The following EXOC6B variants were observed in gnomAD, a reference collection of about 807,000 sequenced individuals.
EXOC6B encodes exocyst complex component 6B, also known as SEC15 homolog B.
Under a neutral mutation model 113.5 loss-of-function variants are expected in EXOC6B, and 54 were observed. That is an observed-to-expected ratio of 0.48 (90% confidence interval 0.38 to 0.60). The LOEUF (loss-of-function observed/expected upper bound fraction) is 0.60, where lower values mean the gene tolerates loss of function less well. EXOC6B is among the 20% of genes least tolerant of loss of function. EXOC6B has a pLI of 0.00. For synonymous variants in EXOC6B, 357 were observed against 339.0 expected (o/e 1.05, Z -0.58); for missense variants, 797 against 977.5 (o/e 0.82, Z 2.46).
In EXOC6B at chr2:72,631,457, TATATAGAGAGAGAGAGAGAGAGAG is replaced by T. The variant is rs1672448210; in HGVS notation, c.670-55813_670-55790del. Among the ~76,000 whole-genome samples the T allele has an allele frequency of 4.6e-3, 49 of 10,626 alleles. 2 individuals carry two copies. The highest frequency in any genetic ancestry group is 0.011 in the African/African-American group (47 of 4,228). 7.0% of individuals were successfully genotyped at this position (10,626 alleles called of 152,430 possible). A position where few individuals can be genotyped will look rare whatever the true frequency, so the allele number is the denominator to read the frequency against. ...ATATATATATATATATATATATATA[TATATAGAGAGAGAGAGAGAGAGAG>T]AGAGAGAGAGAGAGAGAGAGAGAGA... is the stretch of plus-strand genomic sequence containing the variant. On this transcript the variant is annotated intron_variant, in intron 6 of 21. Coordinates refer to ENST00000272427, the MANE Select transcript of EXOC6B (RefSeq NM_015189.3).
intron 18 of EXOC6B, among the ~76,000 whole-genome samples, chr2:72,404,957 T>G (rs190224463): frequency 6.6e-6 from 1 of 151,910 alleles, no homozygotes; most frequent in African/African-American, 2.4e-5. Context: ...TTAAAAACCT[T>G]GAAAAAAAAT....
intron 6 of EXOC6B, among the ~76,000 whole-genome samples, chr2:72,623,332 G>A (rs1284888682): frequency 1.3e-5 from 2 of 151,992 alleles, no homozygotes; most frequent in Non-Finnish European, 2.9e-5. Context: ...AGATACATTG[G>A]CAAAATCAGA....
intron 20 of EXOC6B, among the ~76,000 whole-genome samples, chr2:72,291,873 TA>T (rs1340474694): frequency 6.6e-6 from 1 of 152,190 alleles, no homozygotes; most frequent in Non-Finnish European, 1.5e-5. Flanking sequence ...AAGAAAAAGT[TA>T]AAACGCTTAA....
chr2:72,178,646 T>A lies in EXOC6B; in HGVS notation c.*689A>T, dbSNP rs1348338397. 1 of 152,180 alleles carries A rather than the reference T, an allele frequency of 6.6e-6. No homozygotes were observed. The highest frequency in any genetic ancestry group is 2.4e-5 in the African/African-American group (1 of 41,436). The allele number at this position is 152,180 out of a possible 1,614,324, so 9.4% of individuals were successfully genotyped here. A position where few individuals can be genotyped will look rare whatever the true frequency, so the allele number is the denominator to read the frequency against. ...AGCTGGGGCAATATGCAGTTAAACA[T>A]GGGATCCAATTATTACTGCTGTCTA... On this transcript the variant is annotated 3_prime_UTR_variant, in exon 22 of 22. Transcript: ENST00000272427.
Position 72,718,181 on chromosome 2 carries a change from A to C in EXOC6B, c.591T>G (p.Val197=), listed in dbSNP as rs1679756550. 2 of 1,613,826 alleles carry C rather than the reference A, an allele frequency of 1.2e-6. No individual in the cohort carries two copies. Among genetic ancestry groups the C allele is most frequent in the Non-Finnish European group, 1.7e-6 (2 of 1,179,798 alleles). Reference sequence around the variant, plus strand: ...GAAAGTCTTTGAGATCGGACATAGAAACATCTTTTATTTCTTCTCGAAGCT... The same window carrying C: ...GAAAGTCTTTGAGATCGGACATAGACACATCTTTTATTTCTTCTCGAAGCT... ...IPKLREEIKD[V]SMSDLKDFLE... The change falls in exon 6 of 22, where the codon GTT becomes GTG. Residue 197 remains valine, a synonymous_variant. Coordinates refer to ENST00000272427, the MANE Select transcript of EXOC6B (RefSeq NM_015189.3).
intron 20 of EXOC6B, among the ~76,000 whole-genome samples, chr2:72,283,552 C>A (rs906893044): frequency 6.6e-6 from 1 of 151,960 alleles, no homozygotes; most frequent in Non-Finnish European, 1.5e-5. Flanking sequence ...CCAGGAGAAC[C>A]CAGCCATGGA....
At chr2:72,451,603 T>C (rs945589197) in intron 18 of EXOC6B, among the ~76,000 whole-genome samples, 2 of 152,004 alleles carry the variant, frequency 1.3e-5, no homozygotes, top group Non-Finnish European at 2.9e-5. Context: ...TGTAACATAA[T>C]GCATTCAGGG....
intron 8 of EXOC6B, among the ~76,000 whole-genome samples, chr2:72,525,210 G>A (rs936209229): frequency 1.3e-5 from 2 of 152,178 alleles, no homozygotes; most frequent in Non-Finnish European, 2.9e-5. Context: ...TAACAATCTT[G>A]GCCTTTGTAA....
In EXOC6B at chr2:72,498,441, G is replaced by C. The variant is rs773724337; in HGVS notation, c.1337+13C>G. ...ATGAACACACACACATATGACTATA[G>C]ATAATTTCTCACCTGAAAATACCTG... On this transcript the variant is annotated intron_variant, in intron 13 of 21. Coordinates refer to ENST00000272427, the MANE Select transcript of EXOC6B (RefSeq NM_015189.3). 1.1e-5 allele frequency: 17 copies of C among 1,578,464 alleles called. No individual in the cohort carries two copies. In the East Asian group the frequency reaches 3.1e-4, roughly 29 times the overall value.
intron 6 of EXOC6B, among the ~76,000 whole-genome samples, chr2:72,717,568 T>A (rs1679701228): frequency 6.6e-6 from 1 of 152,224 alleles, no homozygotes; most frequent in South Asian, 2.1e-4. Flanking sequence ...GAAGATTTTT[T>A]TAACAAATGT....
intron 18 of EXOC6B, among the ~76,000 whole-genome samples, chr2:72,404,496 C>A (rs1217912363): frequency 4.6e-5 from 7 of 152,174 alleles, no homozygotes; most frequent in African/African-American, 1.7e-4. Context: ...GCCTGGTACT[C>A]CTCTGAGACA....
At chr2:72,198,477 C>T (rs747196123) in intron 20 of EXOC6B, among the ~76,000 whole-genome samples, 3 of 152,110 alleles carry the variant, frequency 2.0e-5, no homozygotes, top group Admixed American at 6.6e-5. Context: ...ACTTAGATAA[C>T]GTTATTGGAT....
intron 20 of EXOC6B, among the ~76,000 whole-genome samples, chr2:72,203,082 A>G (rs1019300093): frequency 1.3e-5 from 2 of 152,246 alleles, no homozygotes; most frequent in African/African-American, 4.8e-5. Context: ...AGTGCCTGGC[A>G]CAAACGTTCA....
chr2:72,546,891 C>G (rs559724023), intron 8 of EXOC6B, among the ~76,000 whole-genome samples: 1 of 152,170 alleles, frequency 6.6e-6, no homozygotes, highest in Non-Finnish European at 1.5e-5. Flanking sequence ...AGGAGATACT[C>G]AAATGGAATT....
intron 11 of EXOC6B, among the ~76,000 whole-genome samples, chr2:72,512,367 AGAAGGAAGGAAGGAAGGAAGGAAGGAAG>A (rs1281809681): frequency 1.5e-4 from 2 of 13,644 alleles, no homozygotes; most frequent in African/African-American, 3.6e-4. Context: ...AAGGAAGGAA[AGAAGGAAGGAAGGAAGGAAGGAAGGAAG>A]GAAGGAAGGA....
intron 6 of EXOC6B, among the ~76,000 whole-genome samples, chr2:72,617,791 A>G (rs750813316): frequency 1.3e-5 from 2 of 152,074 alleles, no homozygotes; most frequent in Non-Finnish European, 2.9e-5. Context: ...CTAGGATTAC[A>G]GGCTTGAGCC....
intron 6 of EXOC6B, among the ~76,000 whole-genome samples, chr2:72,588,176 T>C (rs1339834596): frequency 6.6e-6 from 1 of 152,144 alleles, no homozygotes; most frequent in Non-Finnish European, 1.5e-5. Context: ...ATCCCATGTC[T>C]GGTTAAATAT....
At chr2:72,532,339 T>C (rs138332941) in intron 8 of EXOC6B, among the ~76,000 whole-genome samples, 102 of 152,146 alleles carry the variant, frequency 6.7e-4, no homozygotes, top group African/African-American at 2.4e-3. Flanking sequence ...AAGAAAACAA[T>C]ACAATACCCA....
chr2:72,560,535 T>C (rs1338312319), intron 7 of EXOC6B, among the ~76,000 whole-genome samples: 1 of 152,092 alleles, frequency 6.6e-6, no homozygotes, highest in Admixed American at 6.5e-5. Context: ...TCATTTCTTC[T>C]TTTGGGGCAT....
Sources: gnomAD v4.1 joint callset for allele counts (sites outside exome capture counted in the v4.1 genomes callset) on GRCh38, gnomAD v4.1.1 for gene constraint, MANE v1.5 for transcripts, NCBI Gene and HGNC (gene_info 2026-07-23, HGNC 2026-07-21) for gene names.